HIRA: variants seen among roughly 807,000 people sequenced by gnomAD.
HIRA encodes protein HIRA.
In HIRA, 13 loss-of-function variants were observed where a neutral mutation model predicts 126.6. The observed-to-expected ratio is 0.10, with a 90% confidence interval of 0.07 to 0.16. HIRA has a LOEUF of 0.16. HIRA is among the 10% of genes least tolerant of loss of function. The pLI, the probability that HIRA is intolerant of heterozygous loss-of-function variation, is 1.00. For missense variants in HIRA, 834 were observed against 1,314.4 expected, an observed-to-expected ratio of 0.63 and a Z score of 5.65; for synonymous variants, 511 against 520.0, an observed-to-expected ratio of 0.98 and a Z score of 0.24.
At chr22:19,393,948 G>C (rs574042372) in intron 8 of HIRA, among the ~76,000 whole-genome samples, 1 of 152,180 alleles carries the variant, frequency 6.6e-6, no homozygotes, top group Admixed American at 6.5e-5. Context: ...TTCACCTGCC[G>C]CAGCAAGATC....
At chr22:19,392,615 C>G (rs1251024693) in intron 8 of HIRA, among the ~76,000 whole-genome samples, 1 of 152,208 alleles carries the variant, frequency 6.6e-6, no homozygotes, top group Non-Finnish European at 1.5e-5. Flanking sequence ...CAAAGACCTA[C>G]TCACTCCCTA....
intron 6 of HIRA, 39 bp from the exon 7 acceptor site, chr22:19,396,986 G>A: frequency 6.3e-7 from 1 of 1,599,348 alleles, no homozygotes; most frequent in South Asian, 1.1e-5. Context: ...TGTTGTCTGA[G>A]GGAAACATGA....
At chr22:19,405,924 G>A (rs1302472453) in intron 4 of HIRA, 44 bp from the exon 5 acceptor site, 3 of 1,282,044 alleles carry the variant, frequency 2.3e-6, no homozygotes, top group East Asian at 2.8e-5. Flanking sequence ...GAGTGCTCTG[G>A]GCACTGCATA....
At chr22:19,358,549 T>G (rs1305368728) in intron 18 of HIRA, among the ~76,000 whole-genome samples, 5 of 152,164 alleles carry the variant, frequency 3.3e-5, no homozygotes, top group Non-Finnish European at 4.4e-5. Flanking sequence ...ATGGCTCATC[T>G]GGAGGGGGAA....
intron 1 of HIRA, among the ~76,000 whole-genome samples, chr22:19,411,718 G>T (rs2089354454): frequency 6.6e-6 from 1 of 152,194 alleles, no homozygotes; most frequent in Admixed American, 6.5e-5. Flanking sequence ...CTGTTGCCAA[G>T]AGTCTCTTAA....
intron 15 of HIRA, among the ~76,000 whole-genome samples, chr22:19,374,230 A>G (rs2088996162): frequency 1.3e-5 from 2 of 152,196 alleles, no homozygotes; most frequent in South Asian, 4.2e-4. Flanking sequence ...GCTACTTGGG[A>G]GGCTGAAGCA....
intron 5 of HIRA, among the ~76,000 whole-genome samples, chr22:19,403,950 T>C (rs909848376): frequency 7.2e-5 from 11 of 152,196 alleles, no homozygotes; most frequent in Admixed American, 7.2e-4. Flanking sequence ...TTATGAAAGT[T>C]CCTATTTTCT....
Position 19,405,873 on chromosome 22 carries a change from C to T in HIRA, c.310G>A (p.Gly104Ser), listed in dbSNP as rs1202559469. 5.4e-6 allele frequency: 8 copies of T among 1,482,090 alleles called. No individual in the cohort carries two copies. Among genetic ancestry groups the T allele is most frequent in the South Asian group, 2.8e-5 (2 of 72,570 alleles). The allele number at this position is 1,482,090 out of a possible 1,614,324, so 91.8% of individuals were successfully genotyped here. A position where few individuals can be genotyped will look rare whatever the true frequency, so the allele number is the denominator to read the frequency against. The change falls in exon 5 of 25, where the codon GGC becomes AGC. Residue 104 changes from glycine (G) to serine (S), a missense_variant. Physicochemically the swap from Gly to Ser is moderately conservative, Grantham distance 56. Transcript: ENST00000263208. The part of the protein sequence containing the change: ...IMVWKRATYI[G>S]PSTVFGSSGK... ...CTGGAGCCGAACACGGTGCTGGGGC[C>T]GATGTACCTGTGTGAGAAAGGGGCC...
chr22:19,394,251 A>T, intron 8 of HIRA, 91 bp downstream of exon 8: 1 of 1,418,794 alleles, frequency 7.0e-7, no homozygotes, highest in Non-Finnish European at 9.6e-7. Flanking sequence ...ATTAGCTTTT[A>T]AATATTTAAG....
At chr22:19,397,004 T>G in intron 6 of HIRA, 57 bp from the exon 7 acceptor site, 1 of 1,527,576 alleles carries the variant, frequency 6.5e-7, no homozygotes, top group Non-Finnish European at 9.0e-7. Context: ...TGACCTGCAA[T>G]CCATGGGCCA....
At chr22:19,360,369 G>A (rs1054403577) in intron 17 of HIRA, among the ~76,000 whole-genome samples, 1 of 152,176 alleles carries the variant, frequency 6.6e-6, no homozygotes, top group African/African-American at 2.4e-5. Context: ...ACGTCTGAAC[G>A]CTGCTGACCA....
At chr22:19,420,222 C>T (rs1448949991) in intron 1 of HIRA, among the ~76,000 whole-genome samples, 3 of 151,898 alleles carry the variant, frequency 2.0e-5, no homozygotes, top group African/African-American at 7.3e-5. Flanking sequence ...CTTTGGGAGG[C>T]CAAGGCAGGC....
chr22:19,359,129 C>T (rs1378147426), intron 18 of HIRA, among the ~76,000 whole-genome samples: 1 of 152,116 alleles, frequency 6.6e-6, no homozygotes, highest in Non-Finnish European at 1.5e-5. Flanking sequence ...CCATCTGTAA[C>T]ACGGGGATAC....
chr22:19,409,755 G>T (rs1454245287), intron 2 of HIRA, among the ~76,000 whole-genome samples: 1 of 152,212 alleles, frequency 6.6e-6, no homozygotes, highest in Non-Finnish European at 1.5e-5. Flanking sequence ...CATCTCTGCT[G>T]GACCAAGGTG....
At position 19,331,348 on chromosome 22, in the gene HIRA, T is replaced by A; in HGVS notation, c.*92A>T. ...ATCTCCTGCCAGTGTCTCCTCCCCC[T>A]ACAGCCTGGTCAGGTGAGAGGCGGT... is the stretch of plus-strand genomic sequence containing the variant. On this transcript the variant is annotated 3_prime_UTR_variant, in exon 25 of 25. Transcript: ENST00000263208. The A allele has an allele frequency of 6.2e-7, 1 of 1,601,976 alleles. No homozygotes were observed. Among genetic ancestry groups the A allele is most frequent in the South Asian group, 1.1e-5 (1 of 90,584 alleles).
At chr22:19,431,108 G>A (rs2089533454) in intron 1 of HIRA, among the ~76,000 whole-genome samples, 1 of 152,236 alleles carries the variant, frequency 6.6e-6, no homozygotes, top group African/African-American at 2.4e-5. Context: ...CTTCTCGGGC[G>A]ATGCAGACCA....
intron 15 of HIRA, among the ~76,000 whole-genome samples, chr22:19,374,132 A>G (rs2088995113): frequency 6.6e-6 from 1 of 151,086 alleles, no homozygotes; most frequent in Non-Finnish European, 1.5e-5. Context: ...CAGGAGTTTG[A>G]GACCAGCGTG....
chr22:19,425,529 A>T (rs1299485147), intron 1 of HIRA, among the ~76,000 whole-genome samples: 1 of 152,188 alleles, frequency 6.6e-6, no homozygotes, highest in African/African-American at 2.4e-5. Context: ...TCAGTGGTCA[A>T]GGCCAGACGC....
chr22:19,420,189 G>A (rs2089432943), intron 1 of HIRA, among the ~76,000 whole-genome samples: 1 of 152,006 alleles, frequency 6.6e-6, no homozygotes. Flanking sequence ...TGGGCGCAGT[G>A]GCTCACTCCT....
Sources: gnomAD v4.1 joint callset for allele counts (sites outside exome capture counted in the v4.1 genomes callset) on GRCh38, gnomAD v4.1.1 for gene constraint, MANE v1.5 for transcripts, NCBI Gene and HGNC (gene_info 2026-07-23, HGNC 2026-07-21) for gene names.